The following TBC1D32 variants were observed in gnomAD, a reference collection of about 807,000 sequenced individuals.
TBC1D32 encodes TBC1 domain family member 32.
Under a neutral mutation model 170.3 loss-of-function variants are expected in TBC1D32, and 151 were observed. The ratio of observed to expected loss-of-function variants is 0.89; its 90% CI spans 0.78 to 1.01. The LOEUF is 1.01. Among genes scored for constraint, TBC1D32 ranks in the 50% least tolerant of loss-of-function variants. TBC1D32 has a pLI of 0.00. For synonymous variants in TBC1D32, 498 were observed against 488.0 expected (o/e 1.02, Z -0.27); for missense variants, 1,464 against 1,457.1 (o/e 1.00, Z -0.08).
chr6:121,137,076 T>C (rs1782176457), intron 24 of TBC1D32, among the ~76,000 whole-genome samples: 1 of 152,150 alleles, frequency 6.6e-6, no homozygotes, highest in African/African-American at 2.4e-5. Flanking sequence ...CTCATTAATA[T>C]GTCCTGATAA....
chr6:121,194,671 T>C (rs1049340237), intron 22 of TBC1D32, among the ~76,000 whole-genome samples: 2 of 152,220 alleles, frequency 1.3e-5, no homozygotes, highest in Admixed American at 1.3e-4. Flanking sequence ...TTCCTGTCCA[T>C]AAGGCCCACC....
intron 15 of TBC1D32, among the ~76,000 whole-genome samples, chr6:121,261,553 G>T (rs941658646): frequency 1.3e-5 from 2 of 152,026 alleles, no homozygotes; most frequent in Non-Finnish European, 2.9e-5. Flanking sequence ...CCTGACAATT[G>T]AAAGAAAAAC....
At chr6:121,222,630 T>C (rs1794653737) in intron 21 of TBC1D32, among the ~76,000 whole-genome samples, 1 of 151,836 alleles carries the variant, frequency 6.6e-6, no homozygotes, top group South Asian at 2.1e-4. Flanking sequence ...AAAAGAATGA[T>C]CAATAATAAA....
intron 20 of TBC1D32, among the ~76,000 whole-genome samples, chr6:121,229,825 A>C (rs1225721310): frequency 6.6e-6 from 1 of 152,088 alleles, no homozygotes; most frequent in Non-Finnish European, 1.5e-5. Context: ...TAATCCCTAC[A>C]TGCCAAAGGA....
chr6:121,192,026 G>A (rs940170966), intron 22 of TBC1D32, among the ~76,000 whole-genome samples: 63 of 141,994 alleles, frequency 4.4e-4, no homozygotes, highest in Non-Finnish European at 7.6e-4. Flanking sequence ...CCTATTGTGG[G>A]ACTTGTGATC....
chr6:121,227,123 A>G (rs754221131), intron 20 of TBC1D32, among the ~76,000 whole-genome samples: 1 of 152,220 alleles, frequency 6.6e-6, no homozygotes, highest in Non-Finnish European at 1.5e-5. Flanking sequence ...GCTGCGCCAC[A>G]TTCAAAGCTG....
At chr6:121,094,966 C>A (rs1272057808) in intron 30 of TBC1D32, among the ~76,000 whole-genome samples, 1 of 152,024 alleles carries the variant, frequency 6.6e-6, no homozygotes, top group African/African-American at 2.4e-5. Flanking sequence ...CAGAAAATGA[C>A]AAATTACCAT....
chr6:121,181,774 C>T (rs74348325), intron 22 of TBC1D32, among the ~76,000 whole-genome samples: 7,864 of 152,102 alleles, frequency 0.052, 234 homozygotes, highest in African/African-American at 0.08. Flanking sequence ...ATTTACTAAA[C>T]GGAATATTAT....
intron 22 of TBC1D32, among the ~76,000 whole-genome samples, chr6:121,194,255 C>A (rs541257887): frequency 5.1e-4 from 77 of 152,330 alleles, no homozygotes; most frequent in Non-Finnish European, 6.8e-4. Flanking sequence ...CATAGACATA[C>A]TTAGAAGCTG....
intron 12 of TBC1D32, among the ~76,000 whole-genome samples, chr6:121,286,670 C>T (rs1430842763): frequency 5.9e-5 from 9 of 152,000 alleles, no homozygotes; most frequent in Admixed American, 1.3e-4. Flanking sequence ...AGATATTCCT[C>T]GAGAAGAGCA....
chr6:121,132,367 A>C (rs534560902), intron 24 of TBC1D32, among the ~76,000 whole-genome samples: 1 of 152,146 alleles, frequency 6.6e-6, no homozygotes, highest in East Asian at 1.9e-4. Flanking sequence ...GACACTCTCT[A>C]TACTAGAAGA....
At chr6:121,234,794 T>G (rs1256184443) in intron 20 of TBC1D32, among the ~76,000 whole-genome samples, 1 of 152,066 alleles carries the variant, frequency 6.6e-6, no homozygotes, top group African/African-American at 2.4e-5. Flanking sequence ...GAAACTTATT[T>G]TGTCATATTA....
Position 121,279,168 on chromosome 6 carries a change from C to A in TBC1D32, c.1686G>T (p.Gly562=). The change falls in exon 15 of 32, where the codon GGG becomes GGT. Residue 562 remains glycine (G), a synonymous_variant. Coordinates refer to ENST00000398212, the MANE Select transcript of TBC1D32 (RefSeq NM_152730.6). ...ILARIASVEE[G]LILLLYGANM... ...TTGCTCCATAAAGGAGTAAAATAAG[C>A]CCTTCTTCTACAGATGCAATTCTTG... 6.2e-7 allele frequency: 1 copy of A among 1,611,188 alleles called. No homozygotes were observed. The highest frequency in any genetic ancestry group is 2.2e-5 in the East Asian group (1 of 44,696).
Position 121,272,493 on chromosome 6 carries a change from C to A in TBC1D32, c.1733+6628G>T, listed in dbSNP as rs910848788. Among the ~76,000 whole-genome samples the A allele has an allele frequency of 5.7e-4, 87 of 152,212 alleles. 1 individual carries two copies. The highest frequency in any genetic ancestry group is 3.4e-3 in the Middle Eastern group (1 of 294). ...CAAAAGAAGACATTTATGCAGCCCA[C>A]AGACACATGAAAAAATGCTCATCAT... is the stretch of plus-strand genomic sequence containing the variant. On this transcript the variant is annotated intron_variant, in intron 15 of 31. Coordinates refer to ENST00000398212, the MANE Select transcript of TBC1D32 (RefSeq NM_152730.6).
intron 2 of TBC1D32, among the ~76,000 whole-genome samples, chr6:121,318,806 T>C (rs1199284287): frequency 6.6e-6 from 1 of 151,064 alleles, no homozygotes; most frequent in Non-Finnish European, 1.5e-5. Context: ...TATATACACG[T>C]ATTTATTATC....
chr6:121,255,315 C>T lies in TBC1D32; in HGVS notation c.2018+13G>A, dbSNP rs200634309. ...AATATAATAAATGCATGACTTTCAT[C>T]AATTGTACTTACATGTTTTGGGATT... On this transcript the variant is annotated intron_variant, in intron 17 of 31. Coordinates refer to ENST00000398212, the MANE Select transcript of TBC1D32 (RefSeq NM_152730.6). The T allele has an allele frequency of 2.3e-4, 341 of 1,482,944 alleles. No homozygotes were observed. Among genetic ancestry groups the T allele is most frequent in the Non-Finnish European group, 5.1e-5 (55 of 1,086,188 alleles). 91.9% of individuals were successfully genotyped at this position (1,482,944 alleles called of 1,614,324 possible).
rs181949128 is a variant in TBC1D32, at chr6:121,228,117, G to A, written c.2365-4765C>T. On this transcript the variant is annotated intron_variant, in intron 20 of 31. Transcript: ENST00000398212. ...TCCTTTAATATCTGTGGAATCATTA[G>A]TCTTACCCCTGTTTCATTCTTGATA... 4.3e-4 allele frequency among the ~76,000 whole-genome samples: 65 copies of A among 152,104 alleles called. 1 individual carries two copies. The highest frequency in any genetic ancestry group is 8.4e-4 in the Non-Finnish European group (57 of 67,940).
chr6:121,147,057 T>C (rs1309124130), intron 24 of TBC1D32, among the ~76,000 whole-genome samples: 8 of 152,204 alleles, frequency 5.3e-5, no homozygotes, highest in Non-Finnish European at 4.4e-5. Context: ...CTCCCACTTA[T>C]GAGAATATGC....
intron 4 of TBC1D32, 38 bp from the exon 5 acceptor site, chr6:121,308,139 C>T (rs768840618): frequency 6.3e-7 from 1 of 1,591,938 alleles, no homozygotes; most frequent in Non-Finnish European, 8.5e-7. Context: ...AACACTCAGT[C>T]ACTAAAATAA....
Sources: allele counts gnomAD v4.1 joint callset (sites outside exome capture counted in the v4.1 genomes callset), GRCh38; gene constraint gnomAD v4.1.1; transcripts MANE v1.5; gene names NCBI Gene and HGNC (gene_info 2026-07-23, HGNC 2026-07-21).